The following DLG1 variants were observed in gnomAD, a reference collection of about 807,000 sequenced individuals.
DLG1 encodes the protein disks large homolog 1.
A neutral mutation model predicts 123.4 loss-of-function variants in DLG1; 42 were observed. The observed-to-expected ratio is 0.34, with a 90% CI of 0.27 to 0.44. The LOEUF (loss-of-function observed/expected upper bound fraction) is 0.44. Ranked by LOEUF, DLG1 falls within the 20% of genes least tolerant of loss-of-function variation. The pLI is 1.00. For synonymous variants in DLG1, 317 were observed against 356.2 expected, an observed-to-expected ratio of 0.89 and a Z score of 1.24; for missense variants, 942 against 1,082.6, an observed-to-expected ratio of 0.87 and a Z score of 1.82.
At chr3:197,160,151 T>C (rs142654860) in intron 5 of DLG1, among the ~76,000 whole-genome samples, 86 of 152,316 alleles carry the variant, frequency 5.6e-4, no homozygotes, top group African/African-American at 1.9e-3. Flanking sequence ...CGTGTATTTT[T>C]ATAAGACTAT....
intron 10 of DLG1, among the ~76,000 whole-genome samples, chr3:197,135,977 A>C (rs1477886256): frequency 1.3e-5 from 2 of 151,776 alleles, no homozygotes; most frequent in Non-Finnish European, 2.9e-5. Context: ...AGGTCTGGTT[A>C]ATTTCTGTAT....
intron 14 of DLG1, among the ~76,000 whole-genome samples, chr3:197,093,017 T>G (rs1758583448): frequency 6.6e-6 from 1 of 152,204 alleles, no homozygotes; most frequent in Admixed American, 6.5e-5. Flanking sequence ...CTCATCCTAT[T>G]CTGTCCTGAT....
chr3:197,163,236 G>A (rs577191647), intron 5 of DLG1, among the ~76,000 whole-genome samples: 1 of 152,168 alleles, frequency 6.6e-6, no homozygotes, highest in Non-Finnish European at 1.5e-5. Context: ...GGAGAAACTG[G>A]AACTCTGGTA....
intron 5 of DLG1, among the ~76,000 whole-genome samples, chr3:197,186,635 A>G (rs1486508082): frequency 1.3e-5 from 2 of 152,190 alleles, no homozygotes; most frequent in African/African-American, 4.8e-5. Flanking sequence ...AATGGTAATA[A>G]AAAGTTAAAA....
At chr3:197,297,389 C>T in intron 1 of DLG1, 154 bp from the exon 2 acceptor site, 1 of 1,439,964 alleles carries the variant, frequency 6.9e-7, no homozygotes, top group Middle Eastern at 1.9e-4. Flanking sequence ...CAGCAGTTGT[C>T]TGTCAACGTG....
At chr3:197,136,274 T>A in intron 10 of DLG1, 2 of 302,552 alleles carry the variant, frequency 6.6e-6, no homozygotes, top group Non-Finnish European at 1.2e-5. Context: ...TTTATAAACC[T>A]AAGGATTATG....
At chr3:197,160,500 A>T (rs1798368008) in intron 5 of DLG1, among the ~76,000 whole-genome samples, 1 of 152,098 alleles carries the variant, frequency 6.6e-6, no homozygotes, top group Non-Finnish European at 1.5e-5. Flanking sequence ...TTTTCCTGCA[A>T]TATAGAGAGA....
intron 4 of DLG1, among the ~76,000 whole-genome samples, chr3:197,240,711 C>T (rs1748393564): frequency 6.6e-6 from 1 of 151,900 alleles, no homozygotes; most frequent in Non-Finnish European, 1.5e-5. Flanking sequence ...CAAGTCATAA[C>T]ACCAAAAGAA....
chr3:197,151,272 A>G (rs751664348), intron 5 of DLG1, among the ~76,000 whole-genome samples: 5 of 152,222 alleles, frequency 3.3e-5, no homozygotes, highest in Non-Finnish European at 5.9e-5. Context: ...TAAAAACACT[A>G]TGGCAAGAAA....
chr3:197,200,028 CA>C (rs1296021065), intron 4 of DLG1, among the ~76,000 whole-genome samples: 1 of 152,102 alleles, frequency 6.6e-6, no homozygotes, highest in Non-Finnish European at 1.5e-5. Flanking sequence ...ACAATATCAG[CA>C]ATATTATTTT....
chr3:197,272,739 G>T (rs1315432006), intron 4 of DLG1, among the ~76,000 whole-genome samples: 1 of 152,162 alleles, frequency 6.6e-6, no homozygotes, highest in African/African-American at 2.4e-5. Flanking sequence ...ACACAAGGGG[G>T]TATATACACT....
chr3:197,228,235 T>C (rs1740976589), intron 4 of DLG1, among the ~76,000 whole-genome samples: 2 of 152,352 alleles, frequency 1.3e-5, no homozygotes, highest in South Asian at 2.1e-4. Context: ...CATGGAGGAT[T>C]TGTCTCATTG....
At chr3:197,152,914 T>C (rs1156703670) in intron 5 of DLG1, among the ~76,000 whole-genome samples, 1 of 152,174 alleles carries the variant, frequency 6.6e-6, no homozygotes, top group Non-Finnish European at 1.5e-5. Context: ...AGGGCAATAT[T>C]ACATTTTTAA....
chr3:197,214,498 A>G (rs1000720826), intron 4 of DLG1, among the ~76,000 whole-genome samples: 3 of 152,048 alleles, frequency 2.0e-5, no homozygotes, highest in Non-Finnish European at 4.4e-5. Flanking sequence ...GCGTGAACCC[A>G]GGAGGCGGAG....
intron 13 of DLG1, among the ~76,000 whole-genome samples, chr3:197,114,986 G>T (rs1305230861): frequency 3.1e-5 from 1 of 32,464 alleles, no homozygotes; most frequent in South Asian, 1.3e-3. Context: ...TCCATCTCAA[G>T]GAAAAAAAAA....
At chr3:197,276,585 T>C (rs1766542560) in intron 4 of DLG1, among the ~76,000 whole-genome samples, 1 of 152,214 alleles carries the variant, frequency 6.6e-6, no homozygotes, top group South Asian at 2.1e-4. Flanking sequence ...GTTAAGTCAG[T>C]TTCCTATTGA....
At chr3:197,069,973 C>G (rs1670229386) in intron 18 of DLG1, 1 of 152,188 alleles carries the variant, frequency 6.6e-6, no homozygotes, top group South Asian at 2.1e-4. Context: ...AAGACTGGCA[C>G]TGGCTGGCTT....
Position 197,065,781 on chromosome 3 carries a change from C to T in DLG1, c.2127G>A (p.Leu709=), listed in dbSNP as rs373664036. 2 of 1,606,600 alleles carry T rather than the reference C, an allele frequency of 1.2e-6. No homozygotes were observed. Among genetic ancestry groups the T allele is most frequent in the African/African-American group, 2.7e-5 (2 of 74,710 alleles). The change falls in exon 21 of 25, where the codon TTG becomes TTA. Residue 709 remains leucine, a synonymous_variant. Transcript: ENST00000667157. ...CATTTATCCTGTCTTTCATAGGTCC[C>T]AATATGATCACTGGTCGAGTATAAT... The part of the protein sequence containing the change: ...EVNYTRPVII[L]GPMKDRINDD...
At chr3:197,073,767 T>A (rs1033580512) in intron 18 of DLG1, among the ~76,000 whole-genome samples, 1 of 152,156 alleles carries the variant, frequency 6.6e-6, no homozygotes, top group Admixed American at 6.5e-5. Context: ...AAATACCCCA[T>A]TTTTCATAGG....
Sources: allele counts gnomAD v4.1 joint callset (sites outside exome capture counted in the v4.1 genomes callset), GRCh38; gene constraint gnomAD v4.1.1; transcripts MANE v1.5; gene names NCBI Gene and HGNC (gene_info 2026-07-23, HGNC 2026-07-21).